YBEY: variants seen among roughly 807,000 people sequenced by gnomAD.
YBEY encodes ybeY metalloendoribonuclease.
YBEY carries 15 observed loss-of-function variants against 13.5 expected under a neutral mutation model. The ratio of observed to expected loss-of-function variants is 1.11; its 90% CI spans 0.75 to 1.72. YBEY has a LOEUF of 1.72. Among genes scored for constraint, YBEY ranks in the 40% most tolerant of loss-of-function variants. The pLI is 0.00. For synonymous variants in YBEY, 101 were observed against 83.1 expected (o/e 1.21, Z -1.17); for missense variants, 244 against 208.4 (o/e 1.17, Z -1.05).
At chr21:46,301,467 C>T, downstream of YBEY, 1 of 832,070 alleles carries the variant, frequency 1.2e-6, no homozygotes, top group Non-Finnish European at 1.3e-6. Flanking sequence ...GAGTCTGTGC[C>T]ACAGCTGTGG....
Position 46,286,998 on chromosome 21 carries a change from AT to A in YBEY, c.89del (p.Leu30Ter). On this transcript the variant is annotated frameshift_variant, in exon 2 of 5. Coordinates refer to ENST00000397701, the MANE Select transcript of YBEY (RefSeq NM_001314025.2). LOFTEE classifies it high-confidence loss of function. ...LRSKIEIVRR[I>X]LGVQKFDLGI... ...CAGTAAGATCGAGATTGTAAGGAGG[AT>A]TTTAGGAGTGCAGAAATTTGACCTG... 2 of 1,614,004 alleles carry A rather than the reference AT, an allele frequency of 1.2e-6. No homozygotes were observed. Among genetic ancestry groups the A allele is most frequent in the Non-Finnish European group, 1.7e-6 (2 of 1,180,006 alleles).
At chr21:46,291,484 A>G in intron 3 of YBEY, 22 bp downstream of exon 3, 1 of 1,612,960 alleles carries the variant, frequency 6.2e-7, no homozygotes, top group Non-Finnish European at 8.5e-7. Flanking sequence ...TGCTGAAATC[A>G]TATAACCTGG....
chr21:46,299,106 A>T (rs2082046605), downstream of YBEY, among the ~76,000 whole-genome samples: 1 of 139,656 alleles, frequency 7.2e-6, no homozygotes. Flanking sequence ...AGCTTGTACT[A>T]CATGTGTGTG....
chr21:46,306,518 GA>G, the YBEY span, among the ~76,000 whole-genome samples: 1 of 152,056 alleles, frequency 6.6e-6, no homozygotes. Flanking sequence ...AATCTTTTAT[GA>G]ATTCCTTTAG....
downstream of YBEY, chr21:46,302,713 T>G: frequency 1.4e-6 from 1 of 695,858 alleles, no homozygotes; most frequent in South Asian, 1.8e-5. Context: ...TGAGTCCGTC[T>G]GCACACGGTG....
At chr21:46,286,651 G>T (rs1391546690) in intron 1 of YBEY, 1 of 150,998 alleles carries the variant, frequency 6.6e-6, no homozygotes, top group Non-Finnish European at 1.3e-5. Context: ...TCTGGGAACC[G>T]CTCCTTCCGC....
chr21:46,292,511 C>T lies in YBEY; in HGVS notation c.339+1049C>T, dbSNP rs945872360. Among the ~76,000 whole-genome samples, 11 of 151,848 alleles carry T rather than the reference C, an allele frequency of 7.2e-5. 2 individuals carry two copies. Among genetic ancestry groups the T allele is most frequent in the African/African-American group, 2.4e-4 (10 of 41,292 alleles). ...GTTAAACTCTAGATTAAATTCCTCC[C>T]GTGGTTAGCTTGGCCTGTGCCCGGG... On this transcript the variant is annotated intron_variant, in intron 3 of 4. Transcript: ENST00000397701.
At chr21:46,304,608 G>T in the YBEY span, among the ~76,000 whole-genome samples, 2 of 152,202 alleles carry the variant, frequency 1.3e-5, no homozygotes, top group East Asian at 3.8e-4. Context: ...AAAATGAAAA[G>T]TGTGAAAATG....
chr21:46,302,139 G>A, downstream of YBEY: 3 of 1,502,394 alleles, frequency 2.0e-6, no homozygotes, highest in Non-Finnish European at 2.7e-6. Context: ...ACCCTCGGGG[G>A]CACATGTGGC....
intron 4 of YBEY, 59 bp from the exon 5 acceptor site, chr21:46,297,480 C>A (rs932799390): frequency 8.9e-5 from 117 of 1,318,940 alleles, no homozygotes; most frequent in Admixed American, 1.5e-4. Context: ...GAGGCGACCC[C>A]AGAGAGTGGG....
chr21:46,307,461 C>T, the YBEY span, among the ~76,000 whole-genome samples: 1 of 152,126 alleles, frequency 6.6e-6, no homozygotes, highest in Non-Finnish European at 1.5e-5. Flanking sequence ...CACACACACC[C>T]CTACCTCAGT....
downstream of YBEY, chr21:46,300,410 G>A (rs561135343): frequency 1.7e-3 from 307 of 185,342 alleles, 2 homozygotes; most frequent in South Asian, 4.9e-3. Flanking sequence ...CAGCCTGGGC[G>A]ACAAGAGCAA....
At chr21:46,304,621 A>C in the YBEY span, among the ~76,000 whole-genome samples, 1 of 152,224 alleles carries the variant, frequency 6.6e-6, no homozygotes, top group Non-Finnish European at 1.5e-5. Context: ...TGAAAATGCC[A>C]AGTGTTGGTG....
At chr21:46,302,897 G>A in the YBEY span, among the ~76,000 whole-genome samples, 2 of 107,344 alleles carry the variant, frequency 1.9e-5, no homozygotes, top group South Asian at 7.4e-4. Context: ...GCGGGTCCCC[G>A]GGGCGCGCCC....
chr21:46,289,751 G>A (rs1337879138), intron 2 of YBEY, among the ~76,000 whole-genome samples: 3 of 152,136 alleles, frequency 2.0e-5, no homozygotes, highest in Non-Finnish European at 2.9e-5. Flanking sequence ...ACTGAGCCCC[G>A]CCTGGCAAAG....
At chr21:46,295,145 C>T (rs2081908278) in intron 3 of YBEY, among the ~76,000 whole-genome samples, 1 of 152,112 alleles carries the variant, frequency 6.6e-6, no homozygotes, top group South Asian at 2.1e-4. Context: ...AGATTCTGTT[C>T]CCTGGTCTTC....
chr21:46,298,527 T>G (rs1398194848), downstream of YBEY, among the ~76,000 whole-genome samples: 1 of 146,096 alleles, frequency 6.8e-6, no homozygotes, highest in Non-Finnish European at 1.5e-5. Context: ...CCGCCGGGGT[T>G]CACGCCATTC....
At chr21:46,292,750 G>A (rs71326305) in intron 3 of YBEY, among the ~76,000 whole-genome samples, 1,128 of 38,558 alleles carry the variant, frequency 0.029, 20 homozygotes, top group Middle Eastern at 0.048. Flanking sequence ...AGCCTGACCC[G>A]TGCCCGGGAC....
chr21:46,299,690 CCT>C (rs1259607048), downstream of YBEY, among the ~76,000 whole-genome samples: 1 of 152,066 alleles, frequency 6.6e-6, no homozygotes, highest in Non-Finnish European at 1.5e-5. Context: ...TCATCTTCAA[CCT>C]CTCTCAGTGA....
Sources: allele counts gnomAD v4.1 joint callset (sites outside exome capture counted in the v4.1 genomes callset), GRCh38; gene constraint gnomAD v4.1.1; transcripts MANE v1.5; gene names NCBI Gene and HGNC (gene_info 2026-07-23, HGNC 2026-07-21).